Variants in DDAH1 observed in about 807,000 individuals in gnomAD.
The protein encoded by DDAH1 is N(G),N(G)-dimethylarginine dimethylaminohydrolase 1.
DDAH1 carries 19 observed loss-of-function variants against 28.8 expected under a neutral mutation model. That is an observed-to-expected ratio of 0.66 (90% CI 0.46 to 0.97). DDAH1 has a LOEUF of 0.97. Among genes scored for constraint, DDAH1 ranks in the 50% least tolerant of loss-of-function variants. The pLI is 0.00. For missense variants in DDAH1, 326 were observed against 375.9 expected (o/e 0.87, Z 1.10); for synonymous variants, 153 against 154.4 (o/e 0.99, Z 0.07).
At chr1:85,426,420 T>G (rs1653396718) in intron 1 of DDAH1, among the ~76,000 whole-genome samples, 1 of 152,198 alleles carries the variant, frequency 6.6e-6, no homozygotes, top group East Asian at 1.9e-4. Flanking sequence ...CTTAAGTCCT[T>G]GCACTCAGAA....
intron 1 of DDAH1, among the ~76,000 whole-genome samples, chr1:85,553,676 T>A (rs1008567211): frequency 1.3e-5 from 2 of 152,344 alleles, no homozygotes; most frequent in East Asian, 3.9e-4. Flanking sequence ...TCATTTCTGA[T>A]AGACAGTACA....
At chr1:85,465,870 A>G (rs767519792), upstream of DDAH1, among the ~76,000 whole-genome samples, 8 of 152,122 alleles carry the variant, frequency 5.3e-5, no homozygotes, top group Non-Finnish European at 1.0e-4. Flanking sequence ...TCCTTTTGAT[A>G]CACACCAATT....
intron 1 of DDAH1, among the ~76,000 whole-genome samples, chr1:85,513,148 C>A (rs1657308335): frequency 6.6e-6 from 1 of 152,152 alleles, no homozygotes; most frequent in Non-Finnish European, 1.5e-5. Context: ...GGTACCAAAA[C>A]AGATATATAG....
intron 1 of DDAH1, among the ~76,000 whole-genome samples, chr1:85,407,542 G>A (rs1652462227): frequency 6.6e-6 from 1 of 152,196 alleles, no homozygotes; most frequent in African/African-American, 2.4e-5. Context: ...ACAATCGATA[G>A]ATTATTATTT....
intron 1 of DDAH1, among the ~76,000 whole-genome samples, chr1:85,363,318 T>G (rs1649889227): frequency 6.6e-6 from 1 of 152,222 alleles, no homozygotes; most frequent in African/African-American, 2.4e-5. Flanking sequence ...CCCTCAAAGT[T>G]GGCCTGTCTG....
At chr1:85,482,086 G>T (rs114193836) in intron 2 of DDAH1, among the ~76,000 whole-genome samples, 1 of 152,148 alleles carries the variant, frequency 6.6e-6, no homozygotes, top group African/African-American at 2.4e-5. Context: ...AATATGCTTC[G>T]TAAGGTTCTT....
chr1:85,463,113 T>A lies in DDAH1; in HGVS notation c.303+1630A>T, dbSNP rs148140470. Among the ~76,000 whole-genome samples, 52 of 152,332 alleles carry A rather than the reference T, an allele frequency of 3.4e-4. 1 individual carries two copies. The East Asian group carries it at 7.1e-3, about 21-fold the overall frequency. On this transcript the variant is annotated intron_variant, in intron 1 of 5. Coordinates refer to ENST00000284031, the MANE Select transcript of DDAH1 (RefSeq NM_012137.4). ...GTGGTAGAGCTGAGATTCAGTCTAATGTTTTTATCCACTACACCATGTGAC... is the reference window on the plus strand; with the variant it reads ...GTGGTAGAGCTGAGATTCAGTCTAAAGTTTTTATCCACTACACCATGTGAC...
At chr1:85,456,366 G>A (rs1654880587) in intron 1 of DDAH1, among the ~76,000 whole-genome samples, 1 of 152,346 alleles carries the variant, frequency 6.6e-6, no homozygotes, top group South Asian at 2.1e-4. Context: ...CATGGGTAAT[G>A]TACAGATGGT....
chr1:85,343,807 A>AT (rs1177471748), intron 4 of DDAH1, among the ~76,000 whole-genome samples: 1 of 152,204 alleles, frequency 6.6e-6, no homozygotes. Flanking sequence ...TTCCATCTTC[A>AT]TTTTTTATAT....
In DDAH1 at chr1:85,338,876, TA is replaced by T. The variant is rs35025364; in HGVS notation, c.597+11538del. Among the ~76,000 whole-genome samples the T allele has an allele frequency of 1.8e-3, 261 of 143,456 alleles. 1 individual carries two copies. The highest frequency in any genetic ancestry group is 2.1e-3 in the Admixed American group (30 of 14,392). 94.1% of individuals were successfully genotyped at this position (143,456 alleles called of 152,430 possible). ...CCAACATGGTAAACCCCATCTCTACTAAAAAAAAAAAAATACAAAAATTAGC... is the reference window on the plus strand; with the variant it reads ...CCAACATGGTAAACCCCATCTCTACTAAAAAAAAAAAATACAAAAATTAGC... On this transcript the variant is annotated intron_variant, in intron 4 of 5. Transcript: ENST00000284031.
intron 1 of DDAH1, among the ~76,000 whole-genome samples, chr1:85,396,353 G>C (rs1319264898): frequency 6.6e-6 from 1 of 152,192 alleles, no homozygotes; most frequent in Non-Finnish European, 1.5e-5. Context: ...ATGGCAGAAA[G>C]CAAAAGGGAG....
intron 1 of DDAH1, among the ~76,000 whole-genome samples, chr1:85,533,275 G>T (rs553407510): frequency 5.3e-5 from 8 of 152,158 alleles, no homozygotes; most frequent in African/African-American, 7.2e-5. Flanking sequence ...ACATTGATTT[G>T]GTTATATTAA....
chr1:85,335,678 C>G (rs1160393662), intron 4 of DDAH1, among the ~76,000 whole-genome samples: 2 of 152,128 alleles, frequency 1.3e-5, no homozygotes, highest in Non-Finnish European at 2.9e-5. Context: ...CAAATGTTGG[C>G]TGGGCATGGT....
chr1:85,380,006 CA>C (rs1650895093), intron 1 of DDAH1, among the ~76,000 whole-genome samples: 1 of 152,152 alleles, frequency 6.6e-6, no homozygotes, highest in Admixed American at 6.5e-5. Context: ...GTAATTCTGC[CA>C]AAACAACAGA....
chr1:85,403,280 CAT>C (rs1402363545), intron 1 of DDAH1, among the ~76,000 whole-genome samples: 5 of 150,368 alleles, frequency 3.3e-5, no homozygotes, highest in Non-Finnish European at 7.4e-5. Context: ...TATACATATA[CAT>C]ATATGTGTAT....
At chr1:85,359,837 T>C (rs1318918888) in intron 1 of DDAH1, among the ~76,000 whole-genome samples, 1 of 152,246 alleles carries the variant, frequency 6.6e-6, no homozygotes, top group Non-Finnish European at 1.5e-5. Context: ...CTGGGTTGAA[T>C]TAAGGAACAC....
intron 4 of DDAH1, among the ~76,000 whole-genome samples, chr1:85,343,477 G>A (rs1413150441): frequency 2.0e-5 from 3 of 151,680 alleles, no homozygotes; most frequent in African/African-American, 7.3e-5. Context: ...CTTAATACAC[G>A]CATGGCAGAT....
Position 85,347,925 on chromosome 1 carries a change from C to T in DDAH1, c.597+2490G>A, listed in dbSNP as rs997408578. On this transcript the variant is annotated intron_variant, in intron 4 of 5. Coordinates refer to ENST00000284031, the MANE Select transcript of DDAH1 (RefSeq NM_012137.4). The stretch of plus-strand genomic sequence containing the variant: ...TATTTCCTTAGGAGAGCTCATTATT[C>T]CCCAGATCAGTTTGTCCTCTTATTT... 3.3e-5 allele frequency among the ~76,000 whole-genome samples: 5 copies of T among 152,214 alleles called. No homozygotes were observed. In the South Asian group the frequency reaches 8.3e-4, roughly 25 times the overall value.
At chr1:85,458,181 T>C (rs1466681765) in intron 1 of DDAH1, among the ~76,000 whole-genome samples, 1 of 152,210 alleles carries the variant, frequency 6.6e-6, no homozygotes, top group East Asian at 1.9e-4. Context: ...ACTGATTTGT[T>C]GGACAAAATT....
Sources: allele counts gnomAD v4.1 joint callset (sites outside exome capture counted in the v4.1 genomes callset), GRCh38; gene constraint gnomAD v4.1.1; transcripts MANE v1.5; gene names NCBI Gene and HGNC (gene_info 2026-07-23, HGNC 2026-07-21).